The following SERPINB7 variants were observed in gnomAD, a reference collection of about 807,000 sequenced individuals.
The protein encoded by SERPINB7 is serpin family B member 7.
SERPINB7 carries 31 observed loss-of-function variants against 37.4 expected under a neutral mutation model. The ratio of observed to expected loss-of-function variants is 0.83; its 90% confidence interval spans 0.62 to 1.12. The LOEUF is 1.12. Among genes scored for constraint, SERPINB7 ranks in the 50% most tolerant of loss-of-function variants. The pLI, the probability that SERPINB7 is intolerant of heterozygous loss-of-function variation, is 0.00. For missense variants in SERPINB7, 521 were observed against 455.3 expected (o/e 1.14, Z -1.31); for synonymous variants, 163 against 166.1 (o/e 0.98, Z 0.14).
chr18:63,770,186 C>T (rs1434458936), intron 1 of SERPINB7, among the ~76,000 whole-genome samples: 2 of 150,736 alleles, frequency 1.3e-5, no homozygotes, highest in African/African-American at 4.9e-5. Context: ...TTATTATCAT[C>T]CAAAGGATTC....
chr18:63,761,504 A>G (rs2049153500), intron 1 of SERPINB7, among the ~76,000 whole-genome samples: 1 of 152,214 alleles, frequency 6.6e-6, no homozygotes, highest in South Asian at 2.1e-4. Context: ...TGGTTTTAAA[A>G]TGTGAGGACA....
chr18:63,795,281 C>G (rs2049474679), intron 4 of SERPINB7, among the ~76,000 whole-genome samples: 1 of 152,108 alleles, frequency 6.6e-6, no homozygotes, highest in South Asian at 2.1e-4. Context: ...GTAGGTGGGA[C>G]CAGGCGTGGT....
intron 2 of SERPINB7, among the ~76,000 whole-genome samples, chr18:63,788,895 C>T (rs191076070): frequency 1.2e-3 from 185 of 152,234 alleles, no homozygotes; most frequent in Middle Eastern, 3.4e-3. Flanking sequence ...GTATAGTAGG[C>T]CATACCATCT....
At chr18:63,801,063 C>T (rs2049543657) in intron 7 of SERPINB7, 51 bp downstream of exon 7, 2 of 1,569,866 alleles carry the variant, frequency 1.3e-6, no homozygotes, top group Non-Finnish European at 1.7e-6. Flanking sequence ...TTTTAGGATA[C>T]TGTTGATTGA....
At chr18:63,783,232 GAGAA>G (rs761812129) in intron 2 of SERPINB7, among the ~76,000 whole-genome samples, 586 of 40,504 alleles carry the variant, frequency 0.014, 10 homozygotes, top group South Asian at 0.022. Flanking sequence ...GAGAGAGAGA[GAGAA>G]AGAAAGAAAG....
chr18:63,761,907 C>T (rs1017617796), intron 1 of SERPINB7, among the ~76,000 whole-genome samples: 18 of 152,146 alleles, frequency 1.2e-4, no homozygotes, highest in South Asian at 4.1e-4. Flanking sequence ...ATACACCTGG[C>T]GTGTCCTGCT....
chr18:63,783,220 GAGAGAGAGAGAGAGAAAGAAAGAA>G (rs2049325577), intron 2 of SERPINB7, among the ~76,000 whole-genome samples: 27 of 63,918 alleles, frequency 4.2e-4, no homozygotes, highest in Middle Eastern at 8.1e-3. Flanking sequence ...GAGAGAGAGA[GAGAGAGAGAGAGAGAAAGAAAGAA>G]AGAAAGAAAG....
At chr18:63,754,878 GTCTT>G (rs2049111553) in intron 1 of SERPINB7, among the ~76,000 whole-genome samples, 2 of 90,210 alleles carry the variant, frequency 2.2e-5, no homozygotes, top group South Asian at 3.8e-4. Context: ...TTAAACTGAG[GTCTT>G]TTTTTTTTTT....
intron 1 of SERPINB7, among the ~76,000 whole-genome samples, chr18:63,776,115 A>G (rs2049245133): frequency 6.6e-6 from 1 of 152,088 alleles, no homozygotes; most frequent in Non-Finnish European, 1.5e-5. Context: ...TCAGTTATAC[A>G]CAATGCGCCA....
chr18:63,761,723 G>A (rs574986531), intron 1 of SERPINB7, among the ~76,000 whole-genome samples: 7 of 152,248 alleles, frequency 4.6e-5, no homozygotes, highest in Middle Eastern at 3.4e-3. Flanking sequence ...AGGGGTTTCC[G>A]CTTTTGCTTC....
rs1568207644 is a variant in SERPINB7 at position 63,783,211 on chromosome 18, AGAGAGAGAGAGAGAGAG to A, written c.168+672_168+688del. Among the ~76,000 whole-genome samples, 129 of 76,720 alleles carry A rather than the reference AGAGAGAGAGAGAGAGAG, an allele frequency of 1.7e-3. 2 individuals are homozygous for A. Among genetic ancestry groups the A allele is most frequent in the African/African-American group, 4.3e-3 (91 of 21,030 alleles). 50.3% of individuals were successfully genotyped at this position (76,720 alleles called of 152,430 possible). A position where few individuals can be genotyped will look rare whatever the true frequency, so the allele number is the denominator to read the frequency against. The stretch of plus-strand genomic sequence containing the variant: ...AAGAGAGAGAGAGAGAGAGAGAGAG[AGAGAGAGAGAGAGAGAG>A]AGAGAGAAAGAAAGAAAGAAAGAAA... On this transcript the variant is annotated intron_variant, in intron 2 of 7. Coordinates refer to ENST00000398019, the MANE Select transcript of SERPINB7 (RefSeq NM_003784.4).
At chr18:63,755,088 T>G (rs993325815) in intron 1 of SERPINB7, among the ~76,000 whole-genome samples, 2 of 151,852 alleles carry the variant, frequency 1.3e-5, no homozygotes, top group South Asian at 4.2e-4. Flanking sequence ...TTTTTTTTAG[T>G]AGAGACGGGG....
chr18:63,799,894 A>G (rs780674316), intron 6 of SERPINB7, among the ~76,000 whole-genome samples: 4 of 152,194 alleles, frequency 2.6e-5, no homozygotes, highest in Admixed American at 1.3e-4. Context: ...GCAGATCGTA[A>G]TATTACTAGG....
At chr18:63,763,787 T>C (rs967165849) in intron 1 of SERPINB7, among the ~76,000 whole-genome samples, 2 of 152,210 alleles carry the variant, frequency 1.3e-5, no homozygotes, top group African/African-American at 4.8e-5. Flanking sequence ...TTGTAGCTAC[T>C]TTTCTTTATT....
At chr18:63,789,163 T>A (rs2049401727) in intron 2 of SERPINB7, among the ~76,000 whole-genome samples, 1 of 152,216 alleles carries the variant, frequency 6.6e-6, no homozygotes, top group African/African-American at 2.4e-5. Flanking sequence ...CTTTACTGGT[T>A]AAACTTTCCT....
At chr18:63,766,937 C>A (rs1339786175) in intron 1 of SERPINB7, among the ~76,000 whole-genome samples, 2 of 152,100 alleles carry the variant, frequency 1.3e-5, no homozygotes, top group Non-Finnish European at 2.9e-5. Context: ...CTTTCATTAC[C>A]TTCCACATCC....
intron 3 of SERPINB7, 85 bp downstream of exon 3, chr18:63,792,528 T>G: frequency 1.1e-6 from 1 of 875,668 alleles, no homozygotes; most frequent in Non-Finnish European, 1.8e-6. Context: ...TTTGGAAGGC[T>G]GAGGCGGGTG....
At chr18:63,778,976 A>C (rs529618898) in intron 1 of SERPINB7, among the ~76,000 whole-genome samples, 36 of 152,324 alleles carry the variant, frequency 2.4e-4, no homozygotes, top group African/African-American at 7.0e-4. Context: ...TATTTTTAGC[A>C]AAATGAAAAA....
At chr18:63,757,117 A>G (rs975199252) in intron 1 of SERPINB7, among the ~76,000 whole-genome samples, 1 of 151,708 alleles carries the variant, frequency 6.6e-6, no homozygotes, top group Non-Finnish European at 1.5e-5. Flanking sequence ...TGGTTTCTGG[A>G]TATGAGACCT....
Sources: allele counts gnomAD v4.1 joint callset (sites outside exome capture counted in the v4.1 genomes callset), GRCh38; gene constraint gnomAD v4.1.1; transcripts MANE v1.5; gene names NCBI Gene and HGNC (gene_info 2026-07-23, HGNC 2026-07-21).